CTNNBIP1: variants seen among roughly 807,000 people sequenced by gnomAD.
CTNNBIP1 encodes beta-catenin-interacting protein 1.
In CTNNBIP1, 7 loss-of-function variants were observed where a neutral mutation model predicts 11.8. The ratio of observed to expected loss-of-function variants is 0.60; its 90% CI spans 0.34 to 1.12. CTNNBIP1 has a LOEUF of 1.12. CTNNBIP1 is among the 50% of genes most tolerant of loss of function. The probability of loss-of-function intolerance (pLI) is 0.03; values close to 1 mark genes in which losing one functional copy is unlikely to be tolerated. For synonymous variants in CTNNBIP1, 58 were observed against 43.9 expected (o/e 1.32, Z -1.26); for missense variants, 101 against 113.4 (o/e 0.89, Z 0.50).
At chr1:9,877,301 C>T (rs777851844) in intron 3 of CTNNBIP1, among the ~76,000 whole-genome samples, 12 of 152,194 alleles carry the variant, frequency 7.9e-5, no homozygotes, top group Non-Finnish European at 1.5e-4. Context: ...AAGCTGGCCT[C>T]GCTTTGACAG....
intron 1 of CTNNBIP1, among the ~76,000 whole-genome samples, chr1:9,888,496 G>A (rs910873952): frequency 1.3e-5 from 2 of 151,796 alleles, no homozygotes; most frequent in African/African-American, 4.8e-5. Context: ...AGACTGCAGT[G>A]AGCCGAGATC....
intron 1 of CTNNBIP1, among the ~76,000 whole-genome samples, chr1:9,894,354 T>A (rs563536335): frequency 6.6e-6 from 1 of 152,222 alleles, no homozygotes; most frequent in Non-Finnish European, 1.5e-5. Flanking sequence ...GGAATTCTTG[T>A]TTGTTTGGTT....
At chr1:9,881,577 G>GA (rs759421481) in intron 2 of CTNNBIP1, among the ~76,000 whole-genome samples, 8 of 151,688 alleles carry the variant, frequency 5.3e-5, no homozygotes, top group Non-Finnish European at 1.0e-4. Flanking sequence ...GACCTCAGGT[G>GA]ATCCGCCCGC....
At chr1:9,875,135 G>C (rs1252936620) in intron 3 of CTNNBIP1, among the ~76,000 whole-genome samples, 1 of 152,150 alleles carries the variant, frequency 6.6e-6, no homozygotes, top group Non-Finnish European at 1.5e-5. Flanking sequence ...GGTTCGAGCC[G>C]ACCAGTCCTT....
chr1:9,860,034 C>T (rs2101448438), intron 5 of CTNNBIP1, among the ~76,000 whole-genome samples: 1 of 152,256 alleles, frequency 6.6e-6, no homozygotes, highest in Non-Finnish European at 1.5e-5. Flanking sequence ...ACCTCTTACC[C>T]CAGGGAACTT....
intron 1 of CTNNBIP1, among the ~76,000 whole-genome samples, chr1:9,899,266 G>T (rs1639473634): frequency 1.3e-5 from 2 of 151,370 alleles, no homozygotes; most frequent in South Asian, 4.2e-4. Flanking sequence ...GACCAGCCTG[G>T]CCAACATGGT....
rs973807147 is a variant in CTNNBIP1, at chr1:9,848,834, G to C, written c.*1884C>G. 6.6e-6 allele frequency: 1 copy of C among 152,250 alleles called. No individual in the cohort carries two copies. The highest frequency in any genetic ancestry group is 2.4e-5 in the African/African-American group (1 of 41,426). 9.4% of individuals were successfully genotyped at this position (152,250 alleles called of 1,614,324 possible). On this transcript the variant is annotated 3_prime_UTR_variant, in exon 6 of 6. Transcript: ENST00000377263. This position sits in a 1 kb window ranked among gnomAD's most constrained non-coding sequence, Gnocchi z 4.3. ...GACACAGGGTCTTAGCCTGATGCTC[G>C]AATCCTCCTTCTGGAACAGGCTGAT...
At chr1:9,902,284 G>T (rs1198659360) in intron 1 of CTNNBIP1, among the ~76,000 whole-genome samples, 2 of 152,156 alleles carry the variant, frequency 1.3e-5, no homozygotes, top group African/African-American at 4.8e-5. Context: ...ACAAGGTCTG[G>T]CGCCTGTTAC....
intron 1 of CTNNBIP1, among the ~76,000 whole-genome samples, chr1:9,888,524 C>G (rs1195515692): frequency 1.3e-5 from 2 of 151,852 alleles, no homozygotes; most frequent in Admixed American, 6.6e-5. Flanking sequence ...TGCACTCCAG[C>G]CTGGGTGACA....
At chr1:9,881,429 T>G (rs1459301478) in intron 2 of CTNNBIP1, among the ~76,000 whole-genome samples, 1 of 137,002 alleles carries the variant, frequency 7.3e-6, no homozygotes, top group African/African-American at 2.7e-5. Flanking sequence ...AACCTCCGCC[T>G]CCCAGGTTCA....
At chr1:9,907,335 T>G (rs1266858229) in intron 1 of CTNNBIP1, among the ~76,000 whole-genome samples, 1 of 152,194 alleles carries the variant, frequency 6.6e-6, no homozygotes, top group African/African-American at 2.4e-5. Flanking sequence ...CATGCCCAGC[T>G]GATTTTTGTA....
Position 9,883,446 on chromosome 1 carries a change from T to C in CTNNBIP1, c.-110+259A>G, listed in dbSNP as rs74054134. Among the ~76,000 whole-genome samples, 5,197 of 152,158 alleles carry C rather than the reference T, an allele frequency of 0.034. 329 individuals are homozygous for C. Among genetic ancestry groups the C allele is most frequent in the African/African-American group, 0.12 (4,847 of 41,486 alleles). On this transcript the variant is annotated intron_variant, in intron 2 of 5. Transcript: ENST00000377263. The surrounding 1 kb of genome is among the most constrained non-coding windows in gnomAD (Gnocchi z 5.6). Reference sequence around the variant, plus strand: ...GGAGAGGTCCACCTGCCCCATCCCATGTCTACTCAGGCCCCACAGGCTCCT... The same window carrying C: ...GGAGAGGTCCACCTGCCCCATCCCACGTCTACTCAGGCCCCACAGGCTCCT...
chr1:9,870,497 C>G (rs1484374028), intron 5 of CTNNBIP1, among the ~76,000 whole-genome samples: 1 of 152,212 alleles, frequency 6.6e-6, no homozygotes, highest in East Asian at 1.9e-4. Flanking sequence ...AACCACCTGG[C>G]TGCATGACCA....
At chr1:9,902,472 A>G (rs1343803157) in intron 1 of CTNNBIP1, among the ~76,000 whole-genome samples, 1 of 152,146 alleles carries the variant, frequency 6.6e-6, no homozygotes, top group Non-Finnish European at 1.5e-5. Flanking sequence ...TGAGGTGTGC[A>G]CTGTTTCTCA....
At position 9,850,489 on chromosome 1, in the gene CTNNBIP1, C is replaced by T. The variant is rs1638356737; in HGVS notation, c.*229G>A. 2.3e-6 allele frequency: 1 copy of T among 435,764 alleles called. No individual in the cohort carries two copies. The highest frequency in any genetic ancestry group is 6.5e-5 in the South Asian group (1 of 15,398). The allele number at this position is 435,764 out of a possible 1,614,324, so 27.0% of individuals were successfully genotyped here. ...GATTTAAAAAATAAAAAAGTTTCTT[C>T]CTGCAGCCAATCACAAGTCCATCCC... On this transcript the variant is annotated 3_prime_UTR_variant, in exon 6 of 6. Coordinates refer to ENST00000377263, the MANE Select transcript of CTNNBIP1 (RefSeq NM_020248.3).
chr1:9,877,527 A>G (rs1350683873), intron 3 of CTNNBIP1, among the ~76,000 whole-genome samples: 4 of 152,124 alleles, frequency 2.6e-5, no homozygotes, highest in Non-Finnish European at 4.4e-5. Flanking sequence ...CAGCCCCTGC[A>G]CTCGTCTTTT....
rs1324661545 is a variant in CTNNBIP1 at position 9,850,487 on chromosome 1, T to C, written c.*231A>G. 15 of 431,630 alleles carry C rather than the reference T, an allele frequency of 3.5e-5. No homozygotes were observed. Among genetic ancestry groups the C allele is most frequent in the East Asian group, 3.1e-4 (9 of 28,722 alleles). The allele number at this position is 431,630 out of a possible 1,614,324, so 26.7% of individuals were successfully genotyped here. A position where few individuals can be genotyped will look rare whatever the true frequency, so the allele number is the denominator to read the frequency against. ...AAGATTTAAAAAATAAAAAAGTTTCTTCCTGCAGCCAATCACAAGTCCATC... is the reference window on the plus strand; with the variant it reads ...AAGATTTAAAAAATAAAAAAGTTTCCTCCTGCAGCCAATCACAAGTCCATC... On this transcript the variant is annotated 3_prime_UTR_variant, in exon 6 of 6. Coordinates refer to ENST00000377263, the MANE Select transcript of CTNNBIP1 (RefSeq NM_020248.3).
At chr1:9,878,423 T>C (rs1293259151) in intron 2 of CTNNBIP1, among the ~76,000 whole-genome samples, 1 of 152,142 alleles carries the variant, frequency 6.6e-6, no homozygotes, top group Non-Finnish European at 1.5e-5. Context: ...GAGGCACAGG[T>C]AGCTCAGCAC....
chr1:9,884,760 G>A (rs907838575), intron 1 of CTNNBIP1, among the ~76,000 whole-genome samples: 3 of 152,184 alleles, frequency 2.0e-5, no homozygotes, highest in African/African-American at 4.8e-5. Flanking sequence ...GACAGGTGCT[G>A]GGGCCAACCC....
Sources: gnomAD v4.1 joint callset for allele counts (sites outside exome capture counted in the v4.1 genomes callset) on GRCh38, gnomAD v4.1.1 for gene constraint, Gnocchi (gnomAD v3.1) non-coding constraint, MANE v1.5 for transcripts, NCBI Gene and HGNC (gene_info 2026-07-23, HGNC 2026-07-21) for gene names.